The following ZFAT variants were observed in gnomAD, a reference collection of about 807,000 sequenced individuals.
ZFAT encodes zinc finger protein ZFAT.
Under a neutral mutation model 117.7 loss-of-function variants are expected in ZFAT, and 64 were observed. That is an observed-to-expected ratio of 0.54 (90% confidence interval 0.44 to 0.67). ZFAT has a LOEUF of 0.67. Ranked by LOEUF, ZFAT falls within the 30% of genes least tolerant of loss-of-function variation. ZFAT has a pLI of 0.00. For synonymous variants in ZFAT, 679 were observed against 615.0 expected, an observed-to-expected ratio of 1.10 and a Z score of -1.54; for missense variants, 1,433 against 1,584.5, an observed-to-expected ratio of 0.90 and a Z score of 1.62.
intron 3 of ZFAT, among the ~76,000 whole-genome samples, chr8:134,615,549 C>T (rs1828657235): frequency 2.0e-5 from 3 of 152,112 alleles, no homozygotes; most frequent in Non-Finnish European, 4.4e-5. Flanking sequence ...ACTAACAAGC[C>T]CTTGGCATTG....
At chr8:134,822,102 C>CT in the ZFAT span, among the ~76,000 whole-genome samples, 1 of 152,088 alleles carries the variant, frequency 6.6e-6, no homozygotes, top group Non-Finnish European at 1.5e-5. Flanking sequence ...TATGACCTAA[C>CT]TCACCATTTT....
the ZFAT span, among the ~76,000 whole-genome samples, chr8:134,823,270 GTAAC>G: frequency 1.3e-5 from 2 of 152,122 alleles, no homozygotes; most frequent in South Asian, 4.1e-4. Context: ...CTAAAACACA[GTAAC>G]TAACTAAAAA....
intron 1 of ZFAT, among the ~76,000 whole-genome samples, chr8:134,698,623 C>T (rs891267153): frequency 3.9e-5 from 6 of 152,302 alleles, no homozygotes; most frequent in South Asian, 2.1e-4. Flanking sequence ...AAGCGTCAGA[C>T]GGTCAGGTGA....
chr8:134,492,942 C>A (rs947063354), intron 15 of ZFAT, among the ~76,000 whole-genome samples: 4 of 152,072 alleles, frequency 2.6e-5, no homozygotes, highest in Admixed American at 6.6e-5. Flanking sequence ...AGATTTAAAG[C>A]CTTTTAGGGA....
At chr8:134,484,969 A>G (rs1213327391) in intron 15 of ZFAT, among the ~76,000 whole-genome samples, 1 of 152,008 alleles carries the variant, frequency 6.6e-6, no homozygotes, top group Non-Finnish European at 1.5e-5. Flanking sequence ...GTAAACACAC[A>G]ATGATGATGA....
intron 3 of ZFAT, among the ~76,000 whole-genome samples, chr8:134,612,597 C>G (rs1471066232): frequency 6.6e-6 from 1 of 152,178 alleles, no homozygotes; most frequent in African/African-American, 2.4e-5. Context: ...TGGTGTTCGT[C>G]CCACAATCCA....
chr8:134,551,920 T>C (rs1171775212), intron 11 of ZFAT, among the ~76,000 whole-genome samples: 1 of 152,218 alleles, frequency 6.6e-6, no homozygotes, highest in Non-Finnish European at 1.5e-5. Context: ...CTAATTCCCT[T>C]TGACTTGTGG....
chr8:134,497,002 G>A (rs908861030), intron 15 of ZFAT, among the ~76,000 whole-genome samples: 17 of 152,240 alleles, frequency 1.1e-4, no homozygotes, highest in Non-Finnish European at 2.5e-4. Flanking sequence ...CCCATAGGTC[G>A]TGCTCCTTCT....
intron 3 of ZFAT, among the ~76,000 whole-genome samples, chr8:134,626,398 G>T (rs963537371): frequency 6.6e-6 from 1 of 152,214 alleles, no homozygotes; most frequent in Non-Finnish European, 1.5e-5. Flanking sequence ...GCTGGGCTTA[G>T]GCAACTTCCT....
chr8:134,531,030 G>A (rs940914140), intron 12 of ZFAT, among the ~76,000 whole-genome samples: 1 of 152,154 alleles, frequency 6.6e-6, no homozygotes, highest in African/African-American at 2.4e-5. Flanking sequence ...GTGTGTGTCT[G>A]TGTGTGTATC....
intron 2 of ZFAT, among the ~76,000 whole-genome samples, chr8:134,652,574 T>C (rs1346141136): frequency 2.6e-5 from 4 of 152,200 alleles, no homozygotes; most frequent in Non-Finnish European, 4.4e-5. Flanking sequence ...ATATTTTCTA[T>C]ACAAAGAGCT....
chr8:134,769,100 G>T, the ZFAT span, among the ~76,000 whole-genome samples: 4 of 152,084 alleles, frequency 2.6e-5, no homozygotes, highest in Non-Finnish European at 4.4e-5. Flanking sequence ...TTGAACCCAG[G>T]AGGTGGAGGT....
At chr8:134,480,403 G>A (rs957465653) in intron 15 of ZFAT, among the ~76,000 whole-genome samples, 1 of 152,226 alleles carries the variant, frequency 6.6e-6, no homozygotes, top group African/African-American at 2.4e-5. Flanking sequence ...GACCATGTCT[G>A]CCTGGTCACA....
chr8:134,739,941 G>A, the ZFAT span, among the ~76,000 whole-genome samples: 2,547 of 152,356 alleles, frequency 0.017, 27 homozygotes, highest in African/African-American at 0.027. Context: ...GATGACCATG[G>A]TGTGTCAATA....
At chr8:134,695,266 TC>T (rs1220853327) in intron 1 of ZFAT, among the ~76,000 whole-genome samples, 1 of 151,980 alleles carries the variant, frequency 6.6e-6, no homozygotes, top group East Asian at 1.9e-4. Flanking sequence ...TCGGCTCTGC[TC>T]CCAGTAGGGC....
intron 1 of ZFAT, among the ~76,000 whole-genome samples, chr8:134,669,658 G>A (rs1832451153): frequency 6.6e-6 from 1 of 152,142 alleles, no homozygotes; most frequent in East Asian, 1.9e-4. Context: ...ATGACAAATT[G>A]TAAAGACCAT....
chr8:134,814,973 T>C, the ZFAT span, among the ~76,000 whole-genome samples: 1 of 152,180 alleles, frequency 6.6e-6, no homozygotes, highest in Non-Finnish European at 1.5e-5. Context: ...TTTAAATGTT[T>C]AAATAATGTG....
At chr8:134,507,841 A>C (rs1208968192) in intron 15 of ZFAT, among the ~76,000 whole-genome samples, 2 of 152,168 alleles carry the variant, frequency 1.3e-5, no homozygotes, top group Non-Finnish European at 2.9e-5. Context: ...TGAAACATTC[A>C]AAGTCCTCCT....
the ZFAT span, among the ~76,000 whole-genome samples, chr8:134,737,655 G>A: frequency 1.4e-3 from 210 of 152,352 alleles, 4 homozygotes; most frequent in Admixed American, 0.014. Flanking sequence ...AGGGGTTGCA[G>A]TGGGGAGTAC....
Sources: gnomAD v4.1 joint callset for allele counts (sites outside exome capture counted in the v4.1 genomes callset) on GRCh38, gnomAD v4.1.1 for gene constraint, MANE v1.5 for transcripts, NCBI Gene and HGNC (gene_info 2026-07-23, HGNC 2026-07-21) for gene names.